Variants in DNAI3 observed in about 807,000 individuals in gnomAD.
DNAI3 encodes WD repeat domain 63.
A neutral mutation model predicts 115.5 loss-of-function variants in DNAI3; 83 were observed. The observed-to-expected ratio is 0.72, with a 90% CI of 0.60 to 0.86. DNAI3 has a LOEUF of 0.86. DNAI3 is among the 40% of genes least tolerant of loss of function. The probability of loss-of-function intolerance (pLI) is 0.00; values close to 1 mark genes in which losing one functional copy is unlikely to be tolerated. For synonymous variants in DNAI3, 320 were observed against 347.0 expected (o/e 0.92, Z 0.86); for missense variants, 1,004 against 1,075.8 (o/e 0.93, Z 0.93).
At chr1:85,080,055 T>C (rs576776762) in intron 3 of DNAI3, among the ~76,000 whole-genome samples, 1 of 136,646 alleles carries the variant, frequency 7.3e-6, no homozygotes, top group South Asian at 2.5e-4. Flanking sequence ...TCTTTTTTTT[T>C]TTTTTTTTTT....
Position 85,096,009 on chromosome 1 carries a change from A to T in DNAI3, c.1252A>T (p.Ile418Phe). 3.1e-6 allele frequency: 5 copies of T among 1,613,774 alleles called. No homozygotes were observed. Among genetic ancestry groups the T allele is most frequent in the Non-Finnish European group, 4.2e-6 (5 of 1,179,792 alleles). ...TCCTAATATCATTGCTGGAGGCTGT[A>T]TCAATGGGCAGGTACTTAACAGAAT... ...SDPNIIAGGC[I>F]NGQIVMWDIT... Residue 418 changes from isoleucine (I) to phenylalanine (F), a missense_variant, in exon 11 of 23, where the codon ATC becomes TTC. By Grantham distance (21) the Ile-to-Phe change is conservative. Around this residue, in one of 3 missense-constraint regions of DNAI3, gnomAD observed 550 missense variants for 568.1 expected, o/e 0.97. Transcript: ENST00000294664.
chr1:85,097,599 G>A lies in DNAI3; in HGVS notation c.1294G>A (p.Asp432Asn), dbSNP rs370317049. 4 of 1,613,066 alleles carry A rather than the reference G, an allele frequency of 2.5e-6. No individual in the cohort carries two copies. In the Admixed American group the frequency reaches 6.7e-5, roughly 27 times the overall value. ...CATGTGGGATATCACCGCACATGCA[G>A]ATCGCATAGAAAACATTAAGGCAGG... ...IVMWDITAHA[D>N]RIENIKAGGS... is the part of the protein sequence containing the mutation. The change falls in exon 12 of 23, where the codon GAT (aspartate) becomes AAT (asparagine). Residue 432 changes from aspartate (D) to asparagine (N), a missense_variant. Asp to Asn is a conservative substitution (Grantham distance 23, BLOSUM62 1). This residue lies in a region of DNAI3 where 550 missense variants were observed against 568.1 expected (regional missense o/e 0.97). Coordinates refer to ENST00000294664, the MANE Select transcript of DNAI3 (RefSeq NM_145172.5).
intron 21 of DNAI3, among the ~76,000 whole-genome samples, chr1:85,129,574 TC>T (rs1656253182): frequency 6.6e-6 from 1 of 151,992 alleles, no homozygotes; most frequent in African/African-American, 2.4e-5. Context: ...ATATGAAACT[TC>T]CCCCAGATTT....
At chr1:85,130,460 G>T (rs1284751476) in intron 22 of DNAI3, among the ~76,000 whole-genome samples, 2 of 152,268 alleles carry the variant, frequency 1.3e-5, no homozygotes, top group Non-Finnish European at 2.9e-5. Flanking sequence ...ATCAAGACAC[G>T]TGGGCTCAAA....
At chr1:85,128,638 T>G (rs1380503698) in intron 20 of DNAI3, 70 bp from the exon 21 acceptor site, 24 of 1,313,668 alleles carry the variant, frequency 1.8e-5, no homozygotes, top group Non-Finnish European at 2.5e-5. Flanking sequence ...AAAACATACT[T>G]CATGTTTAAC....
At chr1:85,065,473 A>C (rs1382530084) in intron 1 of DNAI3, among the ~76,000 whole-genome samples, 2 of 152,226 alleles carry the variant, frequency 1.3e-5, no homozygotes, top group Non-Finnish European at 2.9e-5. Flanking sequence ...CATTGTCTTC[A>C]GATAGTTATC....
chr1:85,130,208 C>CT (rs1157593811), intron 22 of DNAI3, 96 bp downstream of exon 22: 2 of 1,531,826 alleles, frequency 1.3e-6, no homozygotes, highest in African/African-American at 2.8e-5. Flanking sequence ...AAAAGTTATA[C>CT]TTTTTCACAT....
rs771669545 is a variant in DNAI3, at chr1:85,090,092, T to C, written c.741-24T>C. 6.8e-6 allele frequency: 9 copies of C among 1,332,018 alleles called. No homozygotes were observed. The Admixed American group carries it at 2.2e-4, about 32-fold the overall frequency. The allele number at this position is 1,332,018 out of a possible 1,614,324, so 82.5% of individuals were successfully genotyped here. ...CTCTTCTTTGACCTAATCTTTAGTATTGAATTTTCTTTTAATATATTAGGA... is the reference window on the plus strand; with the variant it reads ...CTCTTCTTTGACCTAATCTTTAGTACTGAATTTTCTTTTAATATATTAGGA... On this transcript the variant is annotated intron_variant, in intron 7 of 22. Coordinates refer to ENST00000294664, the MANE Select transcript of DNAI3 (RefSeq NM_145172.5).
At chr1:85,088,008 G>A (rs1333274843) in intron 7 of DNAI3, among the ~76,000 whole-genome samples, 1 of 151,990 alleles carries the variant, frequency 6.6e-6, no homozygotes, top group Non-Finnish European at 1.5e-5. Context: ...AACAAGAGGC[G>A]GTAAAGAGAA....
intron 1 of DNAI3, among the ~76,000 whole-genome samples, chr1:85,068,830 T>C (rs903716290): frequency 1.1e-4 from 17 of 152,196 alleles, no homozygotes; most frequent in Non-Finnish European, 2.2e-4. Context: ...CTTACTTGCT[T>C]AGGCCAATAG....
At position 85,132,907 on chromosome 1, in the gene DNAI3, A is replaced by G. The variant is rs755694782; in HGVS notation, c.2585A>G (p.Tyr862Cys). ...ATGCAGGCTGAATTAAAAATGGACT[A>G]TGAGAGTTATCTGGAACTGGAAAAG... ...EQMQAELKMDYESYLELEKTV... is the reference protein window; with the variant it reads ...EQMQAELKMDCESYLELEKTV... The change falls in exon 23 of 23, where the codon TAT becomes TGT. Residue 862 changes from tyrosine (Y) to cysteine (C), a missense_variant. By Grantham distance (194) the Tyr-to-Cys change is radical. Transcript: ENST00000294664. 6.2e-7 allele frequency: 1 copy of G among 1,613,998 alleles called. No homozygotes were observed. The highest frequency in any genetic ancestry group is 8.5e-7 in the Non-Finnish European group (1 of 1,179,920).
chr1:85,104,120 CT>C (rs1203756791), intron 13 of DNAI3, among the ~76,000 whole-genome samples: 7,477 of 133,394 alleles, frequency 0.056, 109 homozygotes, highest in East Asian at 0.14. Context: ...GTGGTATGTC[CT>C]TTTTTTTTTT....
chr1:85,103,897 TAATA>T (rs1655404525), intron 13 of DNAI3, among the ~76,000 whole-genome samples: 1 of 53,484 alleles, frequency 1.9e-5, no homozygotes, highest in Admixed American at 2.0e-4. Context: ...AAAATAATAA[TAATA>T]ATAATAATAA....
chr1:85,098,435 T>C, intron 12 of DNAI3, 95 bp from the exon 13 acceptor site: 3 of 1,457,986 alleles, frequency 2.1e-6, no homozygotes, highest in Non-Finnish European at 1.9e-6. Context: ...GGTATATCTC[T>C]AAATTGTTCA....
chr1:85,128,656 G>T (rs1266089282), intron 20 of DNAI3, 52 bp from the exon 21 acceptor site: 2 of 1,466,914 alleles, frequency 1.4e-6, no homozygotes, highest in Admixed American at 1.8e-5. Flanking sequence ...AACTGCTTAA[G>T]ATGGTTTTCT....
At chr1:85,106,659 T>G (rs888859593) in intron 14 of DNAI3, among the ~76,000 whole-genome samples, 1 of 152,218 alleles carries the variant, frequency 6.6e-6, no homozygotes, top group Non-Finnish European at 1.5e-5. Flanking sequence ...TAGAGACAGA[T>G]GTACTAGAAC....
chr1:85,115,971 A>T (rs942872301), intron 16 of DNAI3, among the ~76,000 whole-genome samples: 13 of 151,816 alleles, frequency 8.6e-5, no homozygotes, highest in African/African-American at 3.1e-4. Context: ...AATGCTATTA[A>T]CTCAGCCTAT....
At chr1:85,098,440 T>G (rs542652545) in intron 12 of DNAI3, 90 bp from the exon 13 acceptor site, 3 of 1,472,588 alleles carry the variant, frequency 2.0e-6, no homozygotes, top group Non-Finnish European at 2.8e-6. Context: ...ATCTCTAAAT[T>G]GTTCATTTTA....
intron 19 of DNAI3, 136 bp downstream of exon 19, chr1:85,124,387 C>A: frequency 8.6e-7 from 1 of 1,164,280 alleles, no homozygotes; most frequent in Non-Finnish European, 1.3e-6. Flanking sequence ...GCAGGGACAC[C>A]AGCTTGTCAG....
Sources: allele counts gnomAD v4.1 joint callset (sites outside exome capture counted in the v4.1 genomes callset), GRCh38; gene constraint gnomAD v4.1.1; regional missense constraint gnomAD v4.1.1; transcripts MANE v1.5; gene names NCBI Gene and HGNC (gene_info 2026-07-23, HGNC 2026-07-21).